The following PHTF2 variants were observed in gnomAD, a reference collection of about 807,000 sequenced individuals.
PHTF2 encodes the protein protein PHTF2.
Under a neutral mutation model 101.2 loss-of-function variants are expected in PHTF2, and 60 were observed. That is an observed-to-expected ratio of 0.59 (90% CI 0.48 to 0.73). The LOEUF (loss-of-function observed/expected upper bound fraction) is 0.73, where lower values mean the gene tolerates loss of function less well. PHTF2 is among the 30% of genes least tolerant of loss of function. The pLI is 0.00. For missense variants in PHTF2, 747 were observed against 908.7 expected (o/e 0.82, Z 2.29); for synonymous variants, 311 against 307.3 (o/e 1.01, Z -0.13).
rs370436869 is a variant in PHTF2, at chr7:77,898,990, C to T, written c.217-1721C>T. Among the ~76,000 whole-genome samples, 85 of 151,934 alleles carry T rather than the reference C, an allele frequency of 5.6e-4. No individual in the cohort carries two copies. The East Asian group carries it at 5.8e-3, about 10-fold the overall frequency. ...TAATTTTTTGTATTTTTAGTAGAGACGGGGTTTCACCATGTTGGCCAGGCT... is the reference window on the plus strand; with the variant it reads ...TAATTTTTTGTATTTTTAGTAGAGATGGGGTTTCACCATGTTGGCCAGGCT... On this transcript the variant is annotated intron_variant, in intron 5 of 19. Transcript: ENST00000416283.
intron 7 of PHTF2, among the ~76,000 whole-genome samples, chr7:77,902,671 G>A (rs1801505783): frequency 1.3e-5 from 2 of 151,528 alleles, no homozygotes; most frequent in Admixed American, 6.6e-5. Context: ...GAACAAAGCC[G>A]TTATTTTCAT....
chr7:77,954,202 T>C (rs1806784654), intron 19 of PHTF2, among the ~76,000 whole-genome samples: 1 of 152,060 alleles, frequency 6.6e-6, no homozygotes, highest in Admixed American at 6.6e-5. Context: ...TGCGCGACCT[T>C]GGCTCACTGC....
intron 1 of PHTF2, among the ~76,000 whole-genome samples, chr7:77,821,386 A>G (rs1286027178): frequency 6.6e-6 from 1 of 152,100 alleles, no homozygotes; most frequent in Non-Finnish European, 1.5e-5. Flanking sequence ...CTCTCCCAAT[A>G]TTTGGGAAAT....
chr7:77,809,442 G>C lies in PHTF2; in HGVS notation c.-36+10471G>C, dbSNP rs545319638. Among the ~76,000 whole-genome samples, 6 of 151,948 alleles carry C rather than the reference G, an allele frequency of 3.9e-5. No homozygotes were observed. In the South Asian group the frequency reaches 1.2e-3, roughly 32 times the overall value. On this transcript the variant is annotated intron_variant, in intron 1 of 19. Coordinates refer to ENST00000416283, the Ensembl canonical transcript of PHTF2. Reference sequence around the variant, plus strand: ...GGGTTTCACCATGTTGACCAGGCTCGTCACGAATTCCTGAGTTTAGGTGAT... The same window carrying C: ...GGGTTTCACCATGTTGACCAGGCTCCTCACGAATTCCTGAGTTTAGGTGAT...
chr7:77,925,640 A>C (rs949657722), intron 11 of PHTF2, among the ~76,000 whole-genome samples: 1 of 148,120 alleles, frequency 6.8e-6, no homozygotes, highest in African/African-American at 2.5e-5. Flanking sequence ...TAATTTTTGT[A>C]TTTTAATAGA....
intron 1 of PHTF2, among the ~76,000 whole-genome samples, chr7:77,809,475 C>A (rs565473929): frequency 6.6e-6 from 1 of 152,200 alleles, no homozygotes; most frequent in Non-Finnish European, 1.5e-5. Flanking sequence ...GATCCACCCA[C>A]CTCAGCCTCC....
chr7:77,888,974 G>C (rs1000078084), intron 3 of PHTF2, among the ~76,000 whole-genome samples: 4 of 152,184 alleles, frequency 2.6e-5, no homozygotes, highest in African/African-American at 9.6e-5. Context: ...TATCTGTTAG[G>C]GGTAAAATAT....
chr7:77,907,765 C>G (rs556187164), intron 7 of PHTF2: 5 of 152,180 alleles, frequency 3.3e-5, no homozygotes, highest in Non-Finnish European at 4.4e-5. Context: ...CAATATATGT[C>G]TCTTCAAAAT....
At chr7:77,893,544 C>A in intron 3 of PHTF2, 64 bp from the exon 3 acceptor site, 1 of 660,096 alleles carries the variant, frequency 1.5e-6, no homozygotes, top group Admixed American at 2.8e-5. Flanking sequence ...GTATTTCAAG[C>A]AGAGTTATAC....
At chr7:77,878,330 A>G (rs1392905397) in intron 3 of PHTF2, among the ~76,000 whole-genome samples, 1 of 152,044 alleles carries the variant, frequency 6.6e-6, no homozygotes, top group Non-Finnish European at 1.5e-5. Context: ...GGGTGGGATT[A>G]CAAGACCAGT....
chr7:77,855,877 C>T (rs1797139057), intron 3 of PHTF2, among the ~76,000 whole-genome samples: 1 of 152,182 alleles, frequency 6.6e-6, no homozygotes, highest in Admixed American at 6.5e-5. Flanking sequence ...GTGGTGTTGA[C>T]AATTCAAGAC....
chr7:77,943,687 A>C (rs1047006908), intron 16 of PHTF2, among the ~76,000 whole-genome samples: 1 of 152,164 alleles, frequency 6.6e-6, no homozygotes, highest in African/African-American at 2.4e-5. Flanking sequence ...TCCAAGTAGT[A>C]TGATGTACTA....
chr7:77,849,564 T>C (rs1447189263), intron 2 of PHTF2, among the ~76,000 whole-genome samples: 5 of 152,208 alleles, frequency 3.3e-5, no homozygotes, highest in Admixed American at 3.3e-4. Flanking sequence ...CCAAATAAAT[T>C]AAATTCTAGG....
chr7:77,855,519 T>C (rs1431195167), intron 3 of PHTF2, among the ~76,000 whole-genome samples: 1 of 152,224 alleles, frequency 6.6e-6, no homozygotes, highest in African/African-American at 2.4e-5. Context: ...CCAAGTCCAC[T>C]GGCTCTGAGC....
chr7:77,924,980 C>T (rs769404278), intron 11 of PHTF2, among the ~76,000 whole-genome samples: 7 of 152,128 alleles, frequency 4.6e-5, no homozygotes, highest in African/African-American at 7.2e-5. Flanking sequence ...CAGGAGGCGT[C>T]CTAGGGAACT....
intron 1 of PHTF2, among the ~76,000 whole-genome samples, chr7:77,799,539 G>T (rs1792362204): frequency 6.6e-6 from 1 of 152,230 alleles, no homozygotes; most frequent in Non-Finnish European, 1.5e-5. Flanking sequence ...CGGCGGAGTG[G>T]GTGCTTAAGG....
intron 9 of PHTF2, among the ~76,000 whole-genome samples, chr7:77,912,867 G>A (rs1220494606): frequency 6.6e-6 from 1 of 150,596 alleles, no homozygotes; most frequent in African/African-American, 2.4e-5. Flanking sequence ...CAAGTAGCTG[G>A]GACTATAGGC....
At chr7:77,820,497 G>A (rs546953361) in intron 1 of PHTF2, among the ~76,000 whole-genome samples, 8 of 152,010 alleles carry the variant, frequency 5.3e-5, no homozygotes, top group Non-Finnish European at 1.0e-4. Flanking sequence ...GACTATAGGT[G>A]TGCACCACCA....
At chr7:77,805,081 A>G (rs1380773095) in intron 1 of PHTF2, among the ~76,000 whole-genome samples, 1 of 152,222 alleles carries the variant, frequency 6.6e-6, no homozygotes. Context: ...TTTTAACTGC[A>G]AATTCAATTT....
Sources: allele counts gnomAD v4.1 joint callset (sites outside exome capture counted in the v4.1 genomes callset), GRCh38; gene constraint gnomAD v4.1.1; transcripts MANE v1.5; gene names NCBI Gene and HGNC (gene_info 2026-07-23, HGNC 2026-07-21).